The following ZBTB38 variants were observed in gnomAD, a reference collection of about 807,000 sequenced individuals.
ZBTB38 encodes the protein zinc finger and BTB domain containing 38.
A neutral mutation model predicts 76.8 loss-of-function variants in ZBTB38; 20 were observed. The ratio of observed to expected loss-of-function variants is 0.26; its 90% confidence interval spans 0.18 to 0.38. The LOEUF is 0.38. Among genes scored for constraint, ZBTB38 ranks in the 10% least tolerant of loss-of-function variants. The pLI is 1.00. For synonymous variants in ZBTB38, 504 were observed against 544.2 expected, an observed-to-expected ratio of 0.93 and a Z score of 1.03; for missense variants, 1,082 against 1,482.3, an observed-to-expected ratio of 0.73 and a Z score of 4.43.
intron 1 of ZBTB38, among the ~76,000 whole-genome samples, chr3:141,336,518 C>A (rs1943020070): frequency 6.6e-6 from 1 of 151,850 alleles, no homozygotes; most frequent in Admixed American, 6.6e-5. Flanking sequence ...TTAATTAATT[C>A]ATTTATTTAT....
intron 1 of ZBTB38, among the ~76,000 whole-genome samples, chr3:141,357,945 G>A (rs113765222): frequency 0.027 from 4,044 of 152,272 alleles, 196 homozygotes; most frequent in African/African-American, 0.092. Flanking sequence ...CTGAGAGACC[G>A]TGGTGAGAAC....
intron 3 of ZBTB38, among the ~76,000 whole-genome samples, chr3:141,384,595 C>T (rs1052872220): frequency 3.3e-5 from 5 of 152,158 alleles, no homozygotes; most frequent in Non-Finnish European, 5.9e-5. Context: ...TCACAGATGA[C>T]CGTATATTGA....
rs114217979 is a variant in ZBTB38 at position 141,335,194 on chromosome 3, T to C, written c.-739+10738T>C. 1.0e-2 allele frequency among the ~76,000 whole-genome samples: 1,516 copies of C among 152,352 alleles called. 21 individuals carry two copies. Among genetic ancestry groups the C allele is most frequent in the African/African-American group, 0.034 (1,430 of 41,570 alleles). ...GTGAGAGAAACAGCCTTAGTGTCCC[T>C]CGTGCATAAACTGAGGATAATAGTT... On this transcript the variant is annotated intron_variant, in intron 1 of 7. Coordinates refer to the ZBTB38 transcript ENST00000509842.
chr3:141,444,570 A>C lies in ZBTB38; in HGVS notation c.2182A>C (p.Met728Leu), dbSNP rs776165745. Reference sequence around the variant, plus strand: ...CAGCAGCCAGTTTTCATCGGTGATCATGCACAGCAATGCCATTGCTGCCAT... The same window carrying C: ...CAGCAGCCAGTTTTCATCGGTGATCCTGCACAGCAATGCCATTGCTGCCAT... ...VHSSQFSSVIMHSNAIAAMTS... is the reference protein window; with the variant it reads ...VHSSQFSSVILHSNAIAAMTS... The change falls in exon 6 of 6, where the codon ATG becomes CTG. Residue 728 changes from methionine (M) to leucine (L), a missense_variant. Met to Leu is a conservative substitution (Grantham distance 15). Transcript: ENST00000321464. The surrounding 1 kb of genome is among the most constrained non-coding windows in gnomAD (Gnocchi z 5.1). 8 of 1,614,212 alleles carry C rather than the reference A, an allele frequency of 5.0e-6. No homozygotes were observed. The South Asian group carries it at 8.8e-5, about 18-fold the overall frequency.
intron 1 of ZBTB38, among the ~76,000 whole-genome samples, chr3:141,334,278 G>A (rs1004158276): frequency 1.3e-5 from 2 of 151,290 alleles, no homozygotes; most frequent in Non-Finnish European, 2.9e-5. Context: ...TAGAACCTCA[G>A]GGAAATGCAG....
At chr3:141,358,573 CTATT>C (rs1300793885) in intron 1 of ZBTB38, among the ~76,000 whole-genome samples, 3 of 152,142 alleles carry the variant, frequency 2.0e-5, no homozygotes, top group Admixed American at 6.5e-5. Flanking sequence ...TTCAATTCAC[CTATT>C]TAAAGTGTAA....
intron 1 of ZBTB38, among the ~76,000 whole-genome samples, chr3:141,338,382 C>T (rs1408609909): frequency 6.6e-6 from 1 of 152,200 alleles, no homozygotes; most frequent in Non-Finnish European, 1.5e-5. Flanking sequence ...ATAGCAAAGA[C>T]ATGAATCAAC....
intron 2 of ZBTB38, 59 bp downstream of exon 2, chr3:141,370,005 T>A (rs938611657): frequency 2.4e-4 from 36 of 152,220 alleles, no homozygotes; most frequent in African/African-American, 8.4e-4. Flanking sequence ...TCTCCTTTTT[T>A]AGTTTGTGGT....
At chr3:141,374,116 G>GAA (rs61344668) in intron 2 of ZBTB38, among the ~76,000 whole-genome samples, 1 of 131,744 alleles carries the variant, frequency 7.6e-6, no homozygotes. Context: ...GGCAACAGAG[G>GAA]AAAAAAAAAA....
At chr3:141,430,613 G>A (rs1350268934) in intron 5 of ZBTB38, among the ~76,000 whole-genome samples, 1 of 152,206 alleles carries the variant, frequency 6.6e-6, no homozygotes, top group Non-Finnish European at 1.5e-5. Flanking sequence ...GTGATTCACT[G>A]TCTTGCAGGA....
intron 2 of ZBTB38, among the ~76,000 whole-genome samples, chr3:141,377,131 T>C (rs1234719467): frequency 3.9e-5 from 6 of 152,234 alleles, no homozygotes; most frequent in African/African-American, 9.6e-5. Context: ...GTCTTCCTGC[T>C]GGGCCAAGAG....
intron 1 of ZBTB38, among the ~76,000 whole-genome samples, chr3:141,339,093 C>G (rs867894514): frequency 2.0e-5 from 3 of 151,960 alleles, no homozygotes; most frequent in African/African-American, 7.3e-5. Flanking sequence ...AGAGAGTGGG[C>G]CATGCCAAAT....
chr3:141,429,214 G>C lies in ZBTB38; in HGVS notation c.1-13175G>C, dbSNP rs1025966952. Among the ~76,000 whole-genome samples the C allele has an allele frequency of 3.9e-5, 6 of 152,204 alleles. No homozygotes were observed. The South Asian group carries it at 1.0e-3, about 26-fold the overall frequency. On this transcript the variant is annotated intron_variant, in intron 5 of 5. Transcript: ENST00000321464. ...CAGAGCAGGGCAAGGGGGATCGTGA[G>C]TACAGGGGAAGGCGGCAGGTTGCCT...
At chr3:141,436,567 G>C (rs893202251) in intron 5 of ZBTB38, among the ~76,000 whole-genome samples, 1 of 152,036 alleles carries the variant, frequency 6.6e-6, no homozygotes, top group Non-Finnish European at 1.5e-5. Flanking sequence ...GCGTGATCTC[G>C]GCTCACTGCA....
rs535769542 is a variant in ZBTB38 at position 141,341,945 on chromosome 3, A to G, written c.-739+17489A>G. 9.2e-5 allele frequency among the ~76,000 whole-genome samples: 14 copies of G among 152,232 alleles called. No homozygotes were observed. The South Asian group carries it at 2.9e-3, about 32-fold the overall frequency. ...GGAAGATGTTCACTTTTTTAAAAAA[A>G]AGCATACTGAATTATTTCAGGGTGA... is the stretch of plus-strand genomic sequence containing the variant. On this transcript the variant is annotated intron_variant, in intron 1 of 7. Transcript: ENST00000509842.
intron 2 of ZBTB38, among the ~76,000 whole-genome samples, chr3:141,375,999 A>G (rs975020835): frequency 6.6e-6 from 1 of 152,174 alleles, no homozygotes; most frequent in Non-Finnish European, 1.5e-5. Flanking sequence ...ATAGCAACAA[A>G]AAACCATTTT....
chr3:141,357,484 G>A (rs957944935), intron 1 of ZBTB38, among the ~76,000 whole-genome samples: 1 of 152,050 alleles, frequency 6.6e-6, no homozygotes, highest in Non-Finnish European at 1.5e-5. Context: ...TTTCCATTTG[G>A]TATTTTTGTC....
chr3:141,361,829 G>T (rs912252566), intron 1 of ZBTB38, among the ~76,000 whole-genome samples: 1 of 152,102 alleles, frequency 6.6e-6, no homozygotes, highest in Non-Finnish European at 1.5e-5. Flanking sequence ...CTATAAAAGT[G>T]GACAGATCAC....
At chr3:141,439,327 A>G (rs1051147169) in intron 5 of ZBTB38, among the ~76,000 whole-genome samples, 1 of 152,250 alleles carries the variant, frequency 6.6e-6, no homozygotes. Flanking sequence ...CTTATTAACT[A>G]TGATTTTTAA....
Sources: gnomAD v4.1 joint callset for allele counts (sites outside exome capture counted in the v4.1 genomes callset) on GRCh38, gnomAD v4.1.1 for gene constraint, Gnocchi (gnomAD v3.1) non-coding constraint, MANE v1.5 for transcripts, NCBI Gene and HGNC (gene_info 2026-07-23, HGNC 2026-07-21) for gene names.